The following PTPRT variants were observed in gnomAD, a reference collection of about 807,000 sequenced individuals.
PTPRT encodes receptor-type tyrosine-protein phosphatase T.
Under a neutral mutation model 176.8 loss-of-function variants are expected in PTPRT, and 56 were observed. The ratio of observed to expected loss-of-function variants is 0.32; its 90% CI spans 0.26 to 0.40. The LOEUF is 0.40. Ranked by LOEUF, PTPRT falls within the 10% of genes least tolerant of loss-of-function variation. PTPRT has a pLI of 1.00. For missense variants in PTPRT, 1,540 were observed against 1,908.2 expected, an observed-to-expected ratio of 0.81 and a Z score of 3.60; for synonymous variants, 783 against 739.0, an observed-to-expected ratio of 1.06 and a Z score of -0.96.
chr20:42,958,467 G>T (rs1033156253), intron 1 of PTPRT, among the ~76,000 whole-genome samples: 3 of 143,542 alleles, frequency 2.1e-5, no homozygotes, highest in African/African-American at 7.8e-5. Flanking sequence ...GGGGGGAGGG[G>T]GAGGGGAGAA....
intron 2 of PTPRT, among the ~76,000 whole-genome samples, chr20:42,857,074 T>A: frequency 6.6e-6 from 1 of 152,208 alleles, no homozygotes; most frequent in East Asian, 1.9e-4. Flanking sequence ...AATTGCCAAC[T>A]GTTTTCCACA....
chr20:42,263,676 G>A (rs897815706), intron 13 of PTPRT, among the ~76,000 whole-genome samples: 2 of 146,800 alleles, frequency 1.4e-5, no homozygotes, highest in Non-Finnish European at 3.0e-5. Flanking sequence ...ACTGCGCCGG[G>A]CCTTTTTTTT....
At chr20:42,211,878 C>A (rs2055640234) in intron 15 of PTPRT, among the ~76,000 whole-genome samples, 1 of 151,556 alleles carries the variant, frequency 6.6e-6, no homozygotes, top group African/African-American at 2.4e-5. Flanking sequence ...TTCACAATAG[C>A]AAAGACTTGG....
rs555028568 is a variant in PTPRT at position 42,294,698 on chromosome 20, T to C, written c.2140-12173A>G. Among the ~76,000 whole-genome samples the C allele has an allele frequency of 3.3e-5, 5 of 150,720 alleles. No individual in the cohort carries two copies. The East Asian group carries it at 9.8e-4, about 29-fold the overall frequency. On this transcript the variant is annotated intron_variant, in intron 12 of 30. Coordinates refer to ENST00000373187, the MANE Select transcript of PTPRT (RefSeq NM_007050.6). ...ATCTACCCCTAACAAGAAAACAGTC[T>C]AGAAGTAATATTACAAACTGAATTA...
At chr20:42,581,976 C>T (rs78120998) in intron 7 of PTPRT, among the ~76,000 whole-genome samples, 1 of 152,184 alleles carries the variant, frequency 6.6e-6, no homozygotes, top group Non-Finnish European at 1.5e-5. Context: ...GGAAACAAAT[C>T]GGCACTTGGA....
chr20:42,578,412 A>G (rs760118158), intron 7 of PTPRT, among the ~76,000 whole-genome samples: 3 of 152,144 alleles, frequency 2.0e-5, no homozygotes, highest in Non-Finnish European at 4.4e-5. Flanking sequence ...TGTGATTGCA[A>G]TGAAGGCCTG....
chr20:43,132,619 T>A (rs1184595198), intron 1 of PTPRT, among the ~76,000 whole-genome samples: 1 of 152,084 alleles, frequency 6.6e-6, no homozygotes, highest in Non-Finnish European at 1.5e-5. Flanking sequence ...ATCAGAAAAA[T>A]CTAAAAATAT....
chr20:42,329,906 A>T (rs1273076704), intron 11 of PTPRT, among the ~76,000 whole-genome samples: 2 of 152,176 alleles, frequency 1.3e-5, no homozygotes, highest in Non-Finnish European at 2.9e-5. Flanking sequence ...GGAATATGAA[A>T]ATACTTTGAA....
At chr20:42,053,411 G>A in the PTPRT span, among the ~76,000 whole-genome samples, 193 of 152,274 alleles carry the variant, frequency 1.3e-3, no homozygotes, top group African/African-American at 4.0e-3. Context: ...TAATACCACT[G>A]TATATTTGGG....
intron 1 of PTPRT, among the ~76,000 whole-genome samples, chr20:42,993,101 C>T (rs1424633827): frequency 2.6e-5 from 4 of 151,936 alleles, no homozygotes; most frequent in South Asian, 2.1e-4. Context: ...GACGAGCTTC[C>T]GGAAAAGCAC....
chr20:42,746,307 A>AT, intron 6 of PTPRT, among the ~76,000 whole-genome samples: 1 of 152,214 alleles, frequency 6.6e-6, no homozygotes, highest in South Asian at 2.1e-4. Context: ...CCCATCTGTC[A>AT]TTTTTCTCTT....
Position 43,132,714 on chromosome 20 carries a change from C to T in PTPRT, c.88+56932G>A, listed in dbSNP as rs954529200. On this transcript the variant is annotated intron_variant, in intron 1 of 30. Coordinates refer to ENST00000373187, the MANE Select transcript of PTPRT (RefSeq NM_007050.6). ...GCAGGAAGAGACAAGGAAATATAAC[C>T]GAATAAAATAACCAAACTAGACACA... is the stretch of plus-strand genomic sequence containing the variant. Among the ~76,000 whole-genome samples, 6 of 152,110 alleles carry T rather than the reference C, an allele frequency of 3.9e-5. No homozygotes were observed. The South Asian group carries it at 1.2e-3, about 32-fold the overall frequency.
Position 42,074,663 on chromosome 20 carries a change from A to G in PTPRT, c.*6216T>C, listed in dbSNP as rs1982601320. ...CAGTGGACCACCCCTGAGCTCTTAG[A>G]TAGGTGGGATGCTAGGTTTGGAGGC... On this transcript the variant is annotated 3_prime_UTR_variant, in exon 31 of 31. Coordinates refer to ENST00000373187, the MANE Select transcript of PTPRT (RefSeq NM_007050.6). 2 of 397,454 alleles carry G rather than the reference A, an allele frequency of 5.0e-6. No homozygotes were observed. Among genetic ancestry groups the G allele is most frequent in the African/African-American group, 2.1e-5 (1 of 48,576 alleles). 24.6% of individuals were successfully genotyped at this position (397,454 alleles called of 1,614,324 possible).
chr20:42,975,653 T>C (rs1166122942), intron 1 of PTPRT, among the ~76,000 whole-genome samples: 1 of 152,298 alleles, frequency 6.6e-6, no homozygotes, highest in East Asian at 1.9e-4. Context: ...ACTACGCCTA[T>C]ACCCACTACC....
At position 42,584,832 on chromosome 20, in the gene PTPRT, C is replaced by A. The variant is rs143998200; in HGVS notation, c.1153+93034G>T. Among the ~76,000 whole-genome samples, 16 of 152,222 alleles carry A rather than the reference C, an allele frequency of 1.1e-4. No homozygotes were observed. In the East Asian group the frequency reaches 2.7e-3, roughly 26 times the overall value. On this transcript the variant is annotated intron_variant, in intron 7 of 30. Coordinates refer to ENST00000373187, the MANE Select transcript of PTPRT (RefSeq NM_007050.6). ...ATGAATGAATGAATTAATTAGCACACGTTCTTGGATAGAAATCTCTCTATT... is the reference window on the plus strand; with the variant it reads ...ATGAATGAATGAATTAATTAGCACAAGTTCTTGGATAGAAATCTCTCTATT...
chr20:43,087,354 C>T (rs1228215136), intron 1 of PTPRT, among the ~76,000 whole-genome samples: 1 of 85,978 alleles, frequency 1.2e-5, no homozygotes, highest in Admixed American at 1.1e-4. Context: ...ACTGTTCACA[C>T]TGTCCGTCCT....
chr20:42,542,059 T>C (rs1366255393), intron 7 of PTPRT, among the ~76,000 whole-genome samples: 2 of 152,148 alleles, frequency 1.3e-5, no homozygotes, highest in African/African-American at 4.8e-5. Flanking sequence ...GATGGTTTTA[T>C]AAAGGGGCAG....
At chr20:42,475,191 T>A (rs2071268392) in intron 7 of PTPRT, among the ~76,000 whole-genome samples, 1 of 152,110 alleles carries the variant, frequency 6.6e-6, no homozygotes, top group Non-Finnish European at 1.5e-5. Flanking sequence ...GAGGGAAGGA[T>A]GGCCCACCCC....
chr20:42,773,425 A>C (rs1483617385), intron 4 of PTPRT, among the ~76,000 whole-genome samples: 2 of 152,136 alleles, frequency 1.3e-5, no homozygotes, highest in South Asian at 2.1e-4. Flanking sequence ...TGAAACCCCC[A>C]AAAAATCCAG....
Sources: allele counts gnomAD v4.1 joint callset (sites outside exome capture counted in the v4.1 genomes callset), GRCh38; gene constraint gnomAD v4.1.1; transcripts MANE v1.5; gene names NCBI Gene and HGNC (gene_info 2026-07-23, HGNC 2026-07-21).